The following JAK2 variants were observed in gnomAD, a reference collection of about 807,000 sequenced individuals.
The protein encoded by JAK2 is tyrosine-protein kinase JAK2.
A neutral mutation model predicts 139.3 loss-of-function variants in JAK2; 86 were observed. The observed-to-expected ratio is 0.62, with a 90% confidence interval of 0.52 to 0.74. The LOEUF (loss-of-function observed/expected upper bound fraction) is 0.74. Among genes scored for constraint, JAK2 ranks in the 30% least tolerant of loss-of-function variants. JAK2 has a pLI of 0.00. For missense variants in JAK2, 1,421 were observed against 1,360.3 expected (o/e 1.04, Z -0.70); for synonymous variants, 490 against 437.7 (o/e 1.12, Z -1.49).
intron 2 of JAK2, among the ~76,000 whole-genome samples, chr9:5,021,496 T>C (rs922941864): frequency 1.3e-5 from 2 of 152,266 alleles, no homozygotes; most frequent in Admixed American, 1.3e-4. Context: ...TTTCTTGCAT[T>C]GTGCTTTGTA....
chr9:5,128,052 C>T lies in JAK2; in HGVS notation c.*1261C>T, dbSNP rs1824112544. ...TTATAGTGCTACTCCACTTTAGACA[C>T]CATAGCTAAAATAAAATATGGTGGG... On this transcript the variant is annotated 3_prime_UTR_variant, in exon 25 of 25. Coordinates refer to ENST00000381652, the MANE Select transcript of JAK2 (RefSeq NM_004972.4). The T allele has an allele frequency of 4.3e-6, 1 of 230,552 alleles. No individual in the cohort carries two copies. The highest frequency in any genetic ancestry group is 2.2e-5 in the African/African-American group (1 of 44,688). The allele number at this position is 230,552 out of a possible 1,614,324, so 14.3% of individuals were successfully genotyped here. A position where few individuals can be genotyped will look rare whatever the true frequency, so the allele number is the denominator to read the frequency against.
chr9:5,054,797 G>C lies in JAK2; in HGVS notation c.849G>C (p.Glu283Asp), dbSNP rs762791853. ...KEPGSGPSGE[E>D]IFATIIITGN... ...CTGGAAGTGGTCCTTCAGGTGAGGA[G>C]ATTTTTGCAACCATTATAATAACTG... Residue 283 changes from glutamate (E) to aspartate (D), a missense_variant, in exon 7 of 25, where the codon GAG (glutamate) becomes GAC (aspartate). Glu to Asp is a conservative substitution (Grantham distance 45). Transcript: ENST00000381652. The surrounding 1 kb of genome is among the most constrained non-coding windows in gnomAD (Gnocchi z 4.9). 2 of 1,613,078 alleles carry C rather than the reference G, an allele frequency of 1.2e-6. No homozygotes were observed. The highest frequency in any genetic ancestry group is 1.7e-6 in the Non-Finnish European group (2 of 1,179,326).
At chr9:4,998,650 TC>T in intron 2 of JAK2, among the ~76,000 whole-genome samples, 1 of 151,898 alleles carries the variant, frequency 6.6e-6, no homozygotes, top group Non-Finnish European at 1.5e-5. Context: ...ATCTGGCTTT[TC>T]CTACAAATGT....
At chr9:5,111,258 G>A (rs1244411957) in intron 22 of JAK2, 3 of 511,426 alleles carry the variant, frequency 5.9e-6, no homozygotes, top group South Asian at 3.4e-5. Flanking sequence ...AGACGCAGGC[G>A]TGCGCAGCCT....
In JAK2 at chr9:4,985,567, C is replaced by T. The variant is rs1819899598; in HGVS notation, c.-172C>T. Reference sequence around the variant, plus strand: ...TCCCGGGGCTTCGCAGACCTTGACCCGCCGGGTAGGAGCCGCCCCTGCGGG... The same window carrying T: ...TCCCGGGGCTTCGCAGACCTTGACCTGCCGGGTAGGAGCCGCCCCTGCGGG... On this transcript the variant is annotated 5_prime_UTR_variant, in exon 1 of 25. Transcript: ENST00000381652. 2.0e-5 allele frequency: 3 copies of T among 152,376 alleles called. No homozygotes were observed. Among genetic ancestry groups the T allele is most frequent in the African/African-American group, 7.2e-5 (3 of 41,438 alleles). The allele number at this position is 152,376 out of a possible 1,614,324, so 9.4% of individuals were successfully genotyped here. A position where few individuals can be genotyped will look rare whatever the true frequency, so the allele number is the denominator to read the frequency against.
intron 2 of JAK2, among the ~76,000 whole-genome samples, chr9:5,012,688 C>T (rs2129973727): frequency 6.6e-6 from 1 of 152,214 alleles, no homozygotes; most frequent in South Asian, 2.1e-4. Context: ...TTTCTACCTG[C>T]TAAGAATAGA....
At chr9:5,123,272 T>C in intron 23 of JAK2, 151 bp downstream of exon 23, 1 of 527,758 alleles carries the variant, frequency 1.9e-6, no homozygotes, top group Non-Finnish European at 3.4e-6. Flanking sequence ...ATAACATACA[T>C]TGTATCCCTT....
At chr9:4,999,393 T>C (rs1820797195) in intron 2 of JAK2, among the ~76,000 whole-genome samples, 1 of 152,194 alleles carries the variant, frequency 6.6e-6, no homozygotes, top group South Asian at 2.1e-4. Context: ...CAAATGTCTC[T>C]TCATATAAAA....
chr9:5,011,379 G>T (rs1336533799), intron 2 of JAK2, among the ~76,000 whole-genome samples: 1 of 151,916 alleles, frequency 6.6e-6, no homozygotes, highest in Non-Finnish European at 1.5e-5. Context: ...TTGTAGAGAT[G>T]GGGTCTTGCT....
chr9:5,041,626 T>G, intron 4 of JAK2: 1 of 500,614 alleles, frequency 2.0e-6, no homozygotes, highest in Middle Eastern at 4.8e-4. Context: ...ATGCGGCGCC[T>G]GGACTTTGAG....
intron 22 of JAK2, among the ~76,000 whole-genome samples, chr9:5,092,375 G>C (rs1368648084): frequency 6.6e-6 from 1 of 152,076 alleles, no homozygotes; most frequent in Non-Finnish European, 1.5e-5. Flanking sequence ...GTCGTAATAT[G>C]GTAAGTGTAC....
chr9:5,060,644 C>G (rs1818103654), intron 8 of JAK2, among the ~76,000 whole-genome samples: 1 of 152,134 alleles, frequency 6.6e-6, no homozygotes, highest in African/African-American at 2.4e-5. Flanking sequence ...TCTACCACAT[C>G]CTAGTGACTT....
intron 22 of JAK2, among the ~76,000 whole-genome samples, chr9:5,117,321 GGT>G (rs1823272233): frequency 6.6e-6 from 1 of 152,210 alleles, no homozygotes; most frequent in Non-Finnish European, 1.5e-5. Context: ...CAGTGCGTAA[GGT>G]GGGAAATTAG....
intron 2 of JAK2, among the ~76,000 whole-genome samples, chr9:5,013,523 G>C (rs1821840448): frequency 6.6e-6 from 1 of 152,178 alleles, no homozygotes; most frequent in Non-Finnish European, 1.5e-5. Context: ...GAGAAGCACT[G>C]ACCTATCTGA....
intron 3 of JAK2, 126 bp from the exon 4 acceptor site, chr9:5,029,657 C>T (rs973171279): frequency 5.3e-6 from 4 of 758,720 alleles, no homozygotes; most frequent in South Asian, 2.2e-5. Context: ...CAAAAGATTT[C>T]GACTGCTATT....
At chr9:4,987,684 C>T (rs1470810641) in intron 2 of JAK2, among the ~76,000 whole-genome samples, 1 of 88,260 alleles carries the variant, frequency 1.1e-5, no homozygotes, top group Non-Finnish European at 2.3e-5. Flanking sequence ...TGCAGTGAGC[C>T]GAGATCTCAC....
At chr9:5,015,528 T>TTTTTC (rs1486263734) in intron 2 of JAK2, among the ~76,000 whole-genome samples, 1 of 80,348 alleles carries the variant, frequency 1.2e-5, no homozygotes, top group Admixed American at 1.2e-4. Context: ...ATTCTTTTTC[T>TTTTTC]TTTTCTTTTC....
chr9:5,023,562 T>C (rs1041925638), intron 3 of JAK2, among the ~76,000 whole-genome samples: 10 of 152,208 alleles, frequency 6.6e-5, no homozygotes, highest in Non-Finnish European at 1.3e-4. Flanking sequence ...TGACTAAAAT[T>C]CCAGGGGTTC....
Position 5,031,385 on chromosome 9 carries a change from G to C in JAK2, c.350+1479G>C, listed in dbSNP as rs1206652994. Among the ~76,000 whole-genome samples, 6 of 152,150 alleles carry C rather than the reference G, an allele frequency of 3.9e-5. No homozygotes were observed. The East Asian group carries it at 9.6e-4, about 24-fold the overall frequency. On this transcript the variant is annotated intron_variant, in intron 4 of 24. Transcript: ENST00000381652. ...GAATCATAAACTAAATAATGAGAATGATGGGGCCAGTATATCTTGAAAGTA... is the reference window on the plus strand; with the variant it reads ...GAATCATAAACTAAATAATGAGAATCATGGGGCCAGTATATCTTGAAAGTA...
Sources: allele counts gnomAD v4.1 joint callset (sites outside exome capture counted in the v4.1 genomes callset), GRCh38; gene constraint gnomAD v4.1.1; non-coding constraint Gnocchi (gnomAD v3.1); transcripts MANE v1.5; gene names NCBI Gene and HGNC (gene_info 2026-07-23, HGNC 2026-07-21).